Variants in CAMK2G observed in about 807,000 individuals in gnomAD.
The protein encoded by CAMK2G is calcium/calmodulin-dependent protein kinase type II subunit gamma.
Under a neutral mutation model 88.7 loss-of-function variants are expected in CAMK2G, and 23 were observed. That is an observed-to-expected ratio of 0.26 (90% CI 0.19 to 0.37). The LOEUF is 0.37. Ranked by LOEUF, CAMK2G falls within the 10% of genes least tolerant of loss-of-function variation. The pLI, the probability that CAMK2G is intolerant of heterozygous loss-of-function variation, is 1.00. For synonymous variants in CAMK2G, 263 were observed against 294.8 expected (o/e 0.89, Z 1.11); for missense variants, 476 against 780.8 (o/e 0.61, Z 4.65).
At chr10:73,850,057 G>A (rs993923531) in intron 5 of CAMK2G, among the ~76,000 whole-genome samples, 3 of 152,128 alleles carry the variant, frequency 2.0e-5, no homozygotes, top group African/African-American at 7.2e-5. Flanking sequence ...GTGCAATGTC[G>A]TGAACACAGC....
chr10:73,867,364 C>T (rs1027387906), intron 2 of CAMK2G, among the ~76,000 whole-genome samples: 2 of 152,264 alleles, frequency 1.3e-5, no homozygotes, highest in Non-Finnish European at 2.9e-5. Flanking sequence ...TGGCTGCTCT[C>T]AAGGGCCAGA....
intron 5 of CAMK2G, among the ~76,000 whole-genome samples, chr10:73,850,028 C>T (rs534962239): frequency 4.1e-4 from 62 of 152,336 alleles, no homozygotes; most frequent in Admixed American, 1.4e-3. Context: ...CAGGGTCTCA[C>T]TCTGTTGCCT....
chr10:73,845,285 T>A (rs1047359816), intron 10 of CAMK2G, among the ~76,000 whole-genome samples: 2 of 152,060 alleles, frequency 1.3e-5, no homozygotes, highest in Non-Finnish European at 2.9e-5. Flanking sequence ...AGGCACAAAA[T>A]GAAAACCATC....
chr10:73,820,974 CT>C (rs1487537404), intron 18 of CAMK2G, among the ~76,000 whole-genome samples: 3 of 151,686 alleles, frequency 2.0e-5, no homozygotes, highest in Non-Finnish European at 4.4e-5. Context: ...TACGCCCGGC[CT>C]TTTTTTGTAT....
At chr10:73,814,556 A>T (rs2084815266) in intron 22 of CAMK2G, 51 bp from the exon 23 acceptor site, 1 of 177,118 alleles carries the variant, frequency 5.6e-6, no homozygotes, top group South Asian at 1.3e-4. Context: ...ATGAGCACAC[A>T]GATGAGTTCC....
chr10:73,868,801 C>T (rs113741123), intron 2 of CAMK2G, among the ~76,000 whole-genome samples: 1,737 of 152,198 alleles, frequency 0.011, 26 homozygotes, highest in African/African-American at 0.039. Context: ...ACTAAGGGGG[C>T]GGGGACTCTC....
intron 12 of CAMK2G, among the ~76,000 whole-genome samples, chr10:73,840,906 T>C (rs1421063742): frequency 6.6e-6 from 1 of 152,212 alleles, no homozygotes; most frequent in Non-Finnish European, 1.5e-5. Flanking sequence ...GGGACTACAG[T>C]TGCAACTCCA....
At chr10:73,820,464 T>TTATATATATATATATATA (rs71483976) in intron 18 of CAMK2G, among the ~76,000 whole-genome samples, 4 of 74,072 alleles carry the variant, frequency 5.4e-5, no homozygotes, top group South Asian at 5.4e-4. Context: ...GGTTTTATAT[T>TTATATATATATATATATA]TATATATATA....
intron 21 of CAMK2G, among the ~76,000 whole-genome samples, chr10:73,815,700 A>G (rs1255380416): frequency 1.3e-5 from 2 of 152,226 alleles, no homozygotes; most frequent in Non-Finnish European, 2.9e-5. Context: ...GCTCACCCCT[A>G]GCTAGGGCTG....
intron 1 of CAMK2G, among the ~76,000 whole-genome samples, chr10:73,873,782 G>T (rs2095949219): frequency 7.5e-6 from 1 of 134,094 alleles, no homozygotes; most frequent in Non-Finnish European, 1.6e-5. Flanking sequence ...GGGTGGGGGT[G>T]GGGGGCCGGG....
chr10:73,837,197 G>C (rs1404835980), intron 14 of CAMK2G: 1 of 482,536 alleles, frequency 2.1e-6, no homozygotes, highest in East Asian at 3.5e-5. Context: ...CATCCGTGTA[G>C]AAGTCAGGTT....
At chr10:73,859,629 T>C (rs2095274112) in intron 3 of CAMK2G, among the ~76,000 whole-genome samples, 3 of 152,220 alleles carry the variant, frequency 2.0e-5, no homozygotes. Flanking sequence ...TGAGAGGTGC[T>C]GGCTCTGCAG....
At chr10:73,843,158 C>T (rs1352685154) in intron 10 of CAMK2G, among the ~76,000 whole-genome samples, 1 of 151,926 alleles carries the variant, frequency 6.6e-6, no homozygotes, top group African/African-American at 2.4e-5. Flanking sequence ...CCGTAGCCTC[C>T]GCCTCTCAGG....
At chr10:73,863,517 C>T (rs879709560) in intron 2 of CAMK2G, among the ~76,000 whole-genome samples, 3 of 152,218 alleles carry the variant, frequency 2.0e-5, no homozygotes, top group Admixed American at 6.5e-5. Flanking sequence ...AGACCCACGG[C>T]CCTCTCTCTG....
At chr10:73,840,462 C>G (rs1281505326) in intron 12 of CAMK2G, among the ~76,000 whole-genome samples, 2 of 152,202 alleles carry the variant, frequency 1.3e-5, no homozygotes, top group Admixed American at 1.3e-4. Flanking sequence ...CGGACAGACT[C>G]TGTCCTCACC....
At chr10:73,861,552 C>T (rs561777315) in intron 2 of CAMK2G, among the ~76,000 whole-genome samples, 29 of 152,278 alleles carry the variant, frequency 1.9e-4, no homozygotes, top group Non-Finnish European at 3.2e-4. Flanking sequence ...GACGGGGTTT[C>T]ACCACGTTGG....
intron 6 of CAMK2G, 60 bp from the exon 7 acceptor site, chr10:73,849,175 G>T: frequency 6.4e-7 from 1 of 1,568,398 alleles, no homozygotes; most frequent in Non-Finnish European, 8.8e-7. Flanking sequence ...AGGAAGCCTA[G>T]TTTGGGCCTA....
chr10:73,874,170 C>T (rs1322252096), intron 1 of CAMK2G, among the ~76,000 whole-genome samples: 11 of 136,166 alleles, frequency 8.1e-5, no homozygotes. Flanking sequence ...GCGGTGTCCG[C>T]GGCGGCGCGT....
chr10:73,837,497 A>G lies in CAMK2G; in HGVS notation c.1024T>C (p.Leu342=). Residue 342 remains leucine, a synonymous_variant, in exon 14 of 23, where the codon TTG becomes CTG. Coordinates refer to ENST00000423381, the MANE Select transcript of CAMK2G (RefSeq NM_001367534.1). ...GLAGQAAKSL[L]NKKSDGGVKK... ...ACACCGCCATCCGACTTCTTGTTCA[A>G]TAGGCTTTTGGCAGCTGTGAAAACA... is the stretch of plus-strand genomic sequence containing the variant. The G allele has an allele frequency of 6.2e-7, 1 of 1,613,764 alleles. No homozygotes were observed. Among genetic ancestry groups the G allele is most frequent in the Non-Finnish European group, 8.5e-7 (1 of 1,179,674 alleles).
Sources: allele counts gnomAD v4.1 joint callset (sites outside exome capture counted in the v4.1 genomes callset), GRCh38; gene constraint gnomAD v4.1.1; transcripts MANE v1.5; gene names NCBI Gene and HGNC (gene_info 2026-07-23, HGNC 2026-07-21).